Variants in FLT1 observed in about 807,000 individuals in gnomAD.
The protein encoded by FLT1 is fms related receptor tyrosine kinase 1, also known as vascular endothelial growth factor receptor 1.
FLT1 carries 49 observed loss-of-function variants against 156.3 expected under a neutral mutation model. The ratio of observed to expected loss-of-function variants is 0.31; its 90% CI spans 0.25 to 0.40. FLT1 has a LOEUF of 0.40. FLT1 is among the 10% of genes least tolerant of loss of function. The probability of loss-of-function intolerance (pLI) is 1.00; values close to 1 mark genes in which losing one functional copy is unlikely to be tolerated. For missense variants in FLT1, 1,322 were observed against 1,637.2 expected (o/e 0.81, Z 3.32); for synonymous variants, 594 against 583.8 (o/e 1.02, Z -0.25).
At chr13:28,378,734 C>T (rs545211288) in intron 14 of FLT1, among the ~76,000 whole-genome samples, 1 of 152,296 alleles carries the variant, frequency 6.6e-6, no homozygotes, top group South Asian at 2.1e-4. Flanking sequence ...AGAAACCTCG[C>T]AGGTGCTTGT....
intron 25 of FLT1, 62 bp downstream of exon 25, chr13:28,317,436 T>C: frequency 1.9e-6 from 2 of 1,034,982 alleles, no homozygotes; most frequent in Non-Finnish European, 1.5e-6. Context: ...ACATCCCCTC[T>C]CAGGAATGCC....
intron 10 of FLT1, among the ~76,000 whole-genome samples, chr13:28,410,194 C>T (rs1489666663): frequency 1.3e-5 from 2 of 152,178 alleles, no homozygotes; most frequent in Admixed American, 6.5e-5. Flanking sequence ...CTCCTCCTGC[C>T]TTCCTCTCCC....
chr13:28,387,345 C>A (rs1874423438), intron 13 of FLT1: 2 of 1,047,684 alleles, frequency 1.9e-6, no homozygotes, highest in Admixed American at 1.1e-4. Context: ...TTTGTCAATT[C>A]TTACTTTATA....
At chr13:28,329,804 C>T (rs1452425081) in intron 18 of FLT1, 76 bp from the exon 19 acceptor site, 1 of 1,202,734 alleles carries the variant, frequency 8.3e-7, no homozygotes, top group African/African-American at 1.5e-5. Context: ...TTCTTGCCCT[C>T]CTTGTTTGTC....
At chr13:28,312,768 G>A (rs1395694946) in intron 25 of FLT1, among the ~76,000 whole-genome samples, 1 of 152,026 alleles carries the variant, frequency 6.6e-6, no homozygotes, top group Non-Finnish European at 1.5e-5. Flanking sequence ...AGGTTCCTGT[G>A]TGTAGCTGAT....
At chr13:28,436,620 C>G (rs1878039382) in intron 4 of FLT1, among the ~76,000 whole-genome samples, 1 of 152,208 alleles carries the variant, frequency 6.6e-6, no homozygotes, top group African/African-American at 2.4e-5. Flanking sequence ...GTTTCCCTCT[C>G]CACGTGGTGT....
rs550605671 is a variant in FLT1 at position 28,365,698 on chromosome 13, G to A, written c.2117-8013C>T. On this transcript the variant is annotated intron_variant, in intron 14 of 29. Transcript: ENST00000282397. ...TACTCTGCTTTGTGTTTCTGAGATAGTTTAATTGTAGGCCTGCTTGCTTGC... is the reference window on the plus strand; with the variant it reads ...TACTCTGCTTTGTGTTTCTGAGATAATTTAATTGTAGGCCTGCTTGCTTGC... Among the ~76,000 whole-genome samples, 257 of 152,184 alleles carry A rather than the reference G, an allele frequency of 1.7e-3. 1 individual carries two copies. The highest frequency in any genetic ancestry group is 2.8e-3 in the Non-Finnish European group (189 of 68,042).
At chr13:28,339,480 A>C (rs558340763) in intron 16 of FLT1, among the ~76,000 whole-genome samples, 180 bp from the exon 17 acceptor site, 4 of 152,324 alleles carry the variant, frequency 2.6e-5, no homozygotes, top group Non-Finnish European at 4.4e-5. Context: ...ATTTCTATTA[A>C]ACGACTCCTT....
chr13:28,352,572 T>A (rs1306687598), intron 15 of FLT1, among the ~76,000 whole-genome samples: 3 of 152,202 alleles, frequency 2.0e-5, no homozygotes, highest in South Asian at 2.1e-4. Context: ...CACCATTTTT[T>A]AAAATTCTTC....
intron 12 of FLT1, among the ~76,000 whole-genome samples, chr13:28,392,692 T>C (rs562596497): frequency 1.8e-4 from 27 of 152,332 alleles, no homozygotes; most frequent in African/African-American, 6.3e-4. Context: ...TTTAGTGACA[T>C]TGGGAAACCA....
intron 1 of FLT1, among the ~76,000 whole-genome samples, chr13:28,480,621 C>T (rs993345771): frequency 6.6e-6 from 1 of 152,192 alleles, no homozygotes; most frequent in African/African-American, 2.4e-5. Flanking sequence ...CATCTTTCCA[C>T]CCTCTAAGCT....
rs77483792 is a variant in FLT1 at position 28,355,830 on chromosome 13, G to A, written c.2248+1724C>T. 3.6e-3 allele frequency among the ~76,000 whole-genome samples: 551 copies of A among 152,326 alleles called. 5 individuals are homozygous for A. Among genetic ancestry groups the A allele is most frequent in the African/African-American group, 0.013 (535 of 41,562 alleles). On this transcript the variant is annotated intron_variant, in intron 15 of 29. Coordinates refer to ENST00000282397, the MANE Select transcript of FLT1 (RefSeq NM_002019.4). ...GCCTCCTGCAGAGCAGACTGCTGGCGAACAGAAGGGTGGTCGTTCTGAAGG... is the reference window on the plus strand; with the variant it reads ...GCCTCCTGCAGAGCAGACTGCTGGCAAACAGAAGGGTGGTCGTTCTGAAGG...
At chr13:28,318,429 G>A (rs1414871985) in intron 24 of FLT1, among the ~76,000 whole-genome samples, 1 of 151,962 alleles carries the variant, frequency 6.6e-6, no homozygotes, top group Non-Finnish European at 1.5e-5. Flanking sequence ...CTTTTGGGGG[G>A]ATTCTTGCCA....
At chr13:28,425,590 A>G (rs1415966743) in intron 10 of FLT1, among the ~76,000 whole-genome samples, 1 of 152,236 alleles carries the variant, frequency 6.6e-6, no homozygotes, top group Non-Finnish European at 1.5e-5. Context: ...CATAGTTACT[A>G]GTTCTAATCC....
intron 14 of FLT1, among the ~76,000 whole-genome samples, chr13:28,382,005 ACTAT>A (rs1335295497): frequency 8.5e-5 from 13 of 152,210 alleles, no homozygotes; most frequent in Admixed American, 2.0e-4. Flanking sequence ...AATAAGATAA[ACTAT>A]CTATCTGCCC....
intron 1 of FLT1, among the ~76,000 whole-genome samples, chr13:28,474,893 C>T (rs1017611326): frequency 1.3e-5 from 2 of 152,048 alleles, no homozygotes; most frequent in Admixed American, 6.6e-5. Context: ...TTTTAAAAAC[C>T]CAGCAACTGA....
At chr13:28,469,939 A>G (rs1039169706) in intron 1 of FLT1, among the ~76,000 whole-genome samples, 13 of 152,098 alleles carry the variant, frequency 8.5e-5, no homozygotes, top group Admixed American at 7.2e-4. Context: ...TTTTTAGTAG[A>G]GATGGGGTTT....
At chr13:28,391,887 C>T (rs1387741288) in intron 12 of FLT1, among the ~76,000 whole-genome samples, 2 of 152,130 alleles carry the variant, frequency 1.3e-5, no homozygotes, top group Admixed American at 1.3e-4. Context: ...GACCCGCTCT[C>T]AAAACCTTCC....
chr13:28,379,160 T>C (rs937915092), intron 14 of FLT1, among the ~76,000 whole-genome samples: 2 of 152,082 alleles, frequency 1.3e-5, no homozygotes, highest in Non-Finnish European at 2.9e-5. Context: ...CTGGCCAACA[T>C]GGTGAAACCC....
Sources: allele counts gnomAD v4.1 joint callset (sites outside exome capture counted in the v4.1 genomes callset), GRCh38; gene constraint gnomAD v4.1.1; transcripts MANE v1.5; gene names NCBI Gene and HGNC (gene_info 2026-07-23, HGNC 2026-07-21).